Variants in ABCB5 observed in about 807,000 individuals in gnomAD.
ABCB5 encodes ATP-binding cassette sub-family B member 5.
Under a neutral mutation model 144.2 loss-of-function variants are expected in ABCB5, and 155 were observed. The ratio of observed to expected loss-of-function variants is 1.08; its 90% CI spans 0.94 to 1.23. The LOEUF (loss-of-function observed/expected upper bound fraction) is 1.23. ABCB5 is among the 50% of genes most tolerant of loss of function. The pLI is 0.00. For missense variants in ABCB5, 1,830 were observed against 1,520.8 expected (o/e 1.20, Z -3.38); for synonymous variants, 610 against 528.6 (o/e 1.15, Z -2.11).
chr7:20,647,172 C>A, intron 9 of ABCB5: 4 of 497,856 alleles, frequency 8.0e-6, no homozygotes, highest in Non-Finnish European at 1.0e-5. Flanking sequence ...GGTCACCCAA[C>A]AAGGAGGGGA....
rs115634924 is a variant in ABCB5 at position 20,753,259 on chromosome 7, G to A, written c.3430-101G>A. On this transcript the variant is annotated intron_variant, in intron 26 of 27. Transcript: ENST00000404938. ...CATTTGTTGGGACACAAATTTTCAA[G>A]AGTAGCAAAATTTGAAATATTTAGA... The A allele has an allele frequency of 1.3e-3, 1,861 of 1,414,658 alleles. 18 individuals carry two copies. The African/African-American group carries it at 0.022, about 17-fold the overall frequency. 87.6% of individuals were successfully genotyped at this position (1,414,658 alleles called of 1,614,324 possible).
chr7:20,738,864 G>A, intron 23 of ABCB5, 119 bp from the exon 24 acceptor site: 6 of 1,124,314 alleles, frequency 5.3e-6, no homozygotes, highest in Non-Finnish European at 7.2e-6. Context: ...TCAGCGTTAG[G>A]GGTGCCGTCT....
At chr7:20,660,338 A>T (rs1033263585) in intron 14 of ABCB5, 22 of 985,208 alleles carry the variant, frequency 2.2e-5, no homozygotes, top group Non-Finnish European at 2.7e-5. Context: ...AAATTCATTT[A>T]CTGTCCCTGT....
chr7:20,629,185 T>TGTGTGTGTG (rs1783977976), intron 4 of ABCB5, among the ~76,000 whole-genome samples: 1 of 144,954 alleles, frequency 6.9e-6, no homozygotes, highest in African/African-American at 2.6e-5. Context: ...TGTGTGTGTG[T>TGTGTGTGTG]AAAGAGTGAG....
intron 20 of ABCB5, 24 bp from the exon 21 acceptor site, chr7:20,722,991 TC>T (rs770163056): frequency 1.2e-6 from 2 of 1,608,744 alleles, no homozygotes; most frequent in Middle Eastern, 1.7e-4. Context: ...TTGAGTTTTT[TC>T]CCCCAAAATA....
chr7:20,750,196 A>G (rs1001987072), intron 26 of ABCB5, among the ~76,000 whole-genome samples: 3 of 152,190 alleles, frequency 2.0e-5, no homozygotes, highest in African/African-American at 7.2e-5. Context: ...TAGGTTTTGA[A>G]GGCCTACAAT....
intron 26 of ABCB5, among the ~76,000 whole-genome samples, chr7:20,752,010 A>C (rs977502136): frequency 6.6e-6 from 1 of 152,226 alleles, no homozygotes; most frequent in East Asian, 1.9e-4. Context: ...TTTTGTTATA[A>C]GGTTATACCA....
At chr7:20,644,189 C>A (rs1253287185) in intron 7 of ABCB5, among the ~76,000 whole-genome samples, 1 of 151,840 alleles carries the variant, frequency 6.6e-6, no homozygotes, top group East Asian at 1.9e-4. Context: ...AGGCTCAAGT[C>A]ATCCTCCCAT....
chr7:20,638,966 A>T (rs1161067499), intron 5 of ABCB5, among the ~76,000 whole-genome samples: 2 of 152,042 alleles, frequency 1.3e-5, no homozygotes, highest in South Asian at 4.1e-4. Context: ...ACACCATTTT[A>T]CTGTCCACCA....
chr7:20,749,940 C>G (rs1260257865), intron 26 of ABCB5, among the ~76,000 whole-genome samples: 1 of 151,962 alleles, frequency 6.6e-6, no homozygotes, highest in Non-Finnish European at 1.5e-5. Context: ...AGCCAATTGA[C>G]AAAGAATAGA....
At position 20,651,438 on chromosome 7, in the gene ABCB5, G is replaced by C; in HGVS notation, c.1351G>C (p.Asp451His). 2 of 1,614,020 alleles carry C rather than the reference G, an allele frequency of 1.2e-6. No homozygotes were observed. The highest frequency in any genetic ancestry group is 1.7e-6 in the Non-Finnish European group (2 of 1,179,986). ...DDGFIMVDENDIRALNVRHYR... is the reference protein window; with the variant it reads ...DDGFIMVDENHIRALNVRHYR... The stretch of plus-strand genomic sequence containing the variant: ...TTGGCAGATCATGGTGGATGAGAAT[G>C]ACATCAGAGCTTTAAATGTGCGGCA... Residue 451 changes from aspartate to histidine, a missense_variant, in exon 13 of 28, where the codon GAC (aspartate) becomes CAC (histidine). Coordinates refer to ENST00000404938, the MANE Select transcript of ABCB5 (RefSeq NM_001163941.2).
At chr7:20,749,739 G>A (rs1367343101) in intron 26 of ABCB5, among the ~76,000 whole-genome samples, 6 of 152,160 alleles carry the variant, frequency 3.9e-5, no homozygotes, top group Non-Finnish European at 8.8e-5. Flanking sequence ...TGAGCCTAGA[G>A]GGGAGTAGAA....
At chr7:20,654,303 T>C (rs2128027610) in intron 13 of ABCB5, among the ~76,000 whole-genome samples, 1 of 152,234 alleles carries the variant, frequency 6.6e-6, no homozygotes, top group African/African-American at 2.4e-5. Flanking sequence ...CAGAAAAATA[T>C]GGCCTGTATG....
intron 21 of ABCB5, among the ~76,000 whole-genome samples, chr7:20,725,483 G>T (rs961563520): frequency 2.0e-5 from 3 of 152,206 alleles, no homozygotes; most frequent in African/African-American, 7.2e-5. Flanking sequence ...GGAGGCTAAG[G>T]CAGGAGAATC....
At chr7:20,645,628 A>G (rs17216606) in intron 7 of ABCB5, 128 bp from the exon 8 acceptor site, 102,394 of 1,196,680 alleles carry the variant, frequency 0.086, 4,807 homozygotes, top group East Asian at 0.18. Context: ...AAATTTTTAA[A>G]AATACAGAGA....
At chr7:20,709,830 C>A (rs1424218623) in intron 20 of ABCB5, among the ~76,000 whole-genome samples, 1 of 149,656 alleles carries the variant, frequency 6.7e-6, no homozygotes, top group Admixed American at 6.7e-5. Flanking sequence ...CCTGTAATCG[C>A]AGCACTCTGG....
Position 20,689,561 on chromosome 7 carries a change from A to C in ABCB5, c.2010+3725A>C, listed in dbSNP as rs369480637. Among the ~76,000 whole-genome samples the C allele has an allele frequency of 2.2e-4, 34 of 152,278 alleles. 1 individual carries two copies. The highest frequency in any genetic ancestry group is 7.9e-4 in the African/African-American group (33 of 41,566). ...GAGACATAGGACTGTGCTCATAGTTATGCCTCTGTAACCTAAGCCAAGAGC... is the reference window on the plus strand; with the variant it reads ...GAGACATAGGACTGTGCTCATAGTTCTGCCTCTGTAACCTAAGCCAAGAGC... On this transcript the variant is annotated intron_variant, in intron 16 of 27. Transcript: ENST00000404938.
chr7:20,649,449 T>C (rs1248795567), intron 11 of ABCB5, among the ~76,000 whole-genome samples: 1 of 152,158 alleles, frequency 6.6e-6, no homozygotes, highest in African/African-American at 2.4e-5. Flanking sequence ...TCAATCACAT[T>C]GCAGGTCCCT....
rs374761420 is a variant in ABCB5 at position 20,647,580 on chromosome 7, G to A, written c.1027G>A (p.Val343Ile). 2.5e-6 allele frequency: 4 copies of A among 1,590,122 alleles called. No homozygotes were observed. The highest frequency in any genetic ancestry group is 2.7e-5 in the African/African-American group (2 of 74,552). Residue 343 changes from valine to isoleucine, a missense_variant, in exon 10 of 28, where the codon GTC becomes ATC. By Grantham distance (29) the Val-to-Ile change is conservative (BLOSUM62 3). Transcript: ENST00000404938. Reference sequence around the variant, plus strand: ...TAGCAGTTATTGCATTGGAGCAGCAGTCCCTCACTTTGAAACCTTCGCAAT... The same window carrying A: ...TAGCAGTTATTGCATTGGAGCAGCAATCCCTCACTTTGAAACCTTCGCAAT... ...IHSSYCIGAA[V>I]PHFETFAIAR...
Sources: gnomAD v4.1 joint callset for allele counts (sites outside exome capture counted in the v4.1 genomes callset) on GRCh38, gnomAD v4.1.1 for gene constraint, MANE v1.5 for transcripts, NCBI Gene and HGNC (gene_info 2026-07-23, HGNC 2026-07-21) for gene names.